Variants in GINS3 observed in about 807,000 individuals in gnomAD.
GINS3 encodes DNA replication complex GINS protein PSF3.
A neutral mutation model predicts 20.0 loss-of-function variants in GINS3; 18 were observed. The observed-to-expected ratio is 0.90, with a 90% CI of 0.62 to 1.33. The LOEUF (loss-of-function observed/expected upper bound fraction) is 1.33, where lower values mean the gene tolerates loss of function less well. Among genes scored for constraint, GINS3 ranks in the 40% most tolerant of loss-of-function variants. The pLI, the probability that GINS3 is intolerant of heterozygous loss-of-function variation, is 0.00. For missense variants in GINS3, 254 were observed against 273.6 expected (o/e 0.93, Z 0.51); for synonymous variants, 109 against 107.0 (o/e 1.02, Z -0.12).
intron 1 of GINS3, among the ~76,000 whole-genome samples, chr16:58,400,771 T>A: frequency 6.6e-6 from 1 of 152,062 alleles, no homozygotes; most frequent in East Asian, 1.9e-4. Context: ...TCCATTTCCA[T>A]TGTTTTGTGG....
chr16:58,399,513 C>G (rs1032987964), intron 1 of GINS3, among the ~76,000 whole-genome samples: 1 of 151,890 alleles, frequency 6.6e-6, no homozygotes, highest in Non-Finnish European at 1.5e-5. Flanking sequence ...TCTGTGTCTT[C>G]ATATTTAAGG....
chr16:58,396,176 G>A (rs1965854000), intron 1 of GINS3, among the ~76,000 whole-genome samples: 1 of 131,374 alleles, frequency 7.6e-6, no homozygotes, highest in African/African-American at 3.0e-5. Flanking sequence ...GCGGCTGGCC[G>A]GGCAGAGGGG....
chr16:58,396,619 T>TC (rs1433429008), intron 1 of GINS3, among the ~76,000 whole-genome samples: 15 of 788 alleles, frequency 0.019, 2 homozygotes, highest in Non-Finnish European at 0.021. Context: ...GGGGGGCTGA[T>TC]CCCCCCACCT....
chr16:58,393,406 A>C (rs1965809044), intron 1 of GINS3: 1 of 152,224 alleles, frequency 6.6e-6, no homozygotes. Context: ...ATGGCTTCAA[A>C]TATAAAATTG....
At chr16:58,403,492 T>TAC (rs371591519) in intron 2 of GINS3, 161 bp downstream of exon 2, 29,527 of 591,788 alleles carry the variant, frequency 0.05, 732 homozygotes, top group African/African-American at 0.11. Flanking sequence ...TATTTACATA[T>TAC]ATACACACAC....
chr16:58,392,784 A>G lies in GINS3; in HGVS notation c.183A>G (p.Pro61=), dbSNP rs769031100. The G allele has an allele frequency of 5.6e-6, 9 of 1,603,068 alleles. 1 individual carries two copies. In the South Asian group the frequency reaches 6.7e-5, roughly 12 times the overall value. The change falls in exon 1 of 3, where the codon CCA becomes CCG. Residue 61 remains proline (P), a synonymous_variant. Coordinates refer to ENST00000318129, the MANE Select transcript of GINS3 (RefSeq NM_022770.4). ...SAGAETDNAV[P]QGSKLELPLW... ...GCGCCGAGACTGACAACGCGGTCCC[A>G]CAGGTGAGCCTTTGGGTGCGGGGTC...
intron 1 of GINS3, chr16:58,402,813 T>C (rs919862908): frequency 8.4e-6 from 4 of 477,446 alleles, no homozygotes; most frequent in African/African-American, 1.9e-5. Context: ...GTGTCTACAA[T>C]TGGACAATTT....
intron 1 of GINS3, 179 bp from the exon 2 acceptor site, chr16:58,402,919 A>G (rs926264732): frequency 6.7e-6 from 4 of 595,480 alleles, no homozygotes; most frequent in African/African-American, 1.9e-5. Flanking sequence ...CCATCATCAC[A>G]TAAAACTTCA....
chr16:58,401,641 T>G (rs1299535522), intron 1 of GINS3, among the ~76,000 whole-genome samples: 4 of 152,238 alleles, frequency 2.6e-5, no homozygotes, highest in Admixed American at 2.6e-4. Flanking sequence ...ATCCTTTAGC[T>G]AGACAGAAAA....
Position 58,403,295 on chromosome 16 carries a change from TC to T in GINS3, c.387del (p.Glu130ArgfsTer36), listed in dbSNP as rs1477893172. ...GCTCCCAGCTCCTGCATTTTGACAG[TC>T]CCGAGAATGCAGACATTTCCCAGTC... ...FGSQLLHFDS[P>X]ENADISQSLL... On this transcript the variant is annotated frameshift_variant, in exon 2 of 3. Coordinates refer to ENST00000318129, the MANE Select transcript of GINS3 (RefSeq NM_022770.4). LOFTEE classifies it high-confidence loss of function. The T allele has an allele frequency of 6.2e-7, 1 of 1,614,012 alleles. No homozygotes were observed. Among genetic ancestry groups the T allele is most frequent in the African/African-American group, 1.3e-5 (1 of 74,916 alleles).
intron 1 of GINS3, among the ~76,000 whole-genome samples, chr16:58,401,775 G>A (rs951111911): frequency 3.3e-5 from 5 of 152,316 alleles, no homozygotes; most frequent in Non-Finnish European, 7.3e-5. Context: ...TTCTTTAAAG[G>A]CAGTGTGTTC....
intron 1 of GINS3, among the ~76,000 whole-genome samples, chr16:58,393,094 T>G (rs1268981506): frequency 6.6e-6 from 1 of 152,150 alleles, no homozygotes; most frequent in African/African-American, 2.4e-5. Flanking sequence ...CCATGCAACG[T>G]GTGTTGAATG....
At chr16:58,404,400 C>G in intron 2 of GINS3, 99 bp from the exon 3 acceptor site, 1 of 798,982 alleles carries the variant, frequency 1.3e-6, no homozygotes, top group Non-Finnish European at 2.1e-6. Flanking sequence ...ACACATCATT[C>G]TTTCTTTTCA....
chr16:58,401,330 G>C lies in GINS3; in HGVS notation c.187-1768G>C, dbSNP rs748631862. ...GTGTTACAGCTCATGAAGGTAGTGG[G>C]GATCCAAAGAGTGAGCAGCCATCAA... On this transcript the variant is annotated intron_variant, in intron 1 of 2. Transcript: ENST00000318129. Among the ~76,000 whole-genome samples, 9 of 152,078 alleles carry C rather than the reference G, an allele frequency of 5.9e-5. No individual in the cohort carries two copies. The East Asian group carries it at 1.7e-3, about 29-fold the overall frequency.
chr16:58,396,707 C>T (rs867789262), intron 1 of GINS3, among the ~76,000 whole-genome samples: 44 of 122,552 alleles, frequency 3.6e-4, no homozygotes, highest in African/African-American at 1.0e-4. Context: ...GCTGGCCGGG[C>T]GGGGGGCTGA....
chr16:58,393,554 T>C (rs1406834379), intron 1 of GINS3: 1 of 152,224 alleles, frequency 6.6e-6, no homozygotes, highest in African/African-American at 2.4e-5. Flanking sequence ...GTTTTAAAAG[T>C]CAAATAGGCC....
chr16:58,400,580 A>C (rs911793729), intron 1 of GINS3, among the ~76,000 whole-genome samples: 1 of 152,244 alleles, frequency 6.6e-6, no homozygotes, highest in African/African-American at 2.4e-5. Flanking sequence ...CCAAATGCCA[A>C]CCAAGGGCCA....
intron 1 of GINS3, among the ~76,000 whole-genome samples, chr16:58,396,888 G>T (rs1441376536): frequency 6.8e-6 from 1 of 147,640 alleles, no homozygotes; most frequent in Non-Finnish European, 1.5e-5. Context: ...CCGGGCGGGG[G>T]GCTGACCCCC....
Position 58,392,485 on chromosome 16 carries a change from C to T in GINS3, c.-117C>T, listed in dbSNP as rs1965790009. 2.5e-6 allele frequency: 3 copies of T among 1,183,220 alleles called. No individual in the cohort carries two copies. Among genetic ancestry groups the T allele is most frequent in the Admixed American group, 2.3e-5 (1 of 43,736 alleles). 73.3% of individuals were successfully genotyped at this position (1,183,220 alleles called of 1,614,324 possible). On this transcript the variant is annotated 5_prime_UTR_variant, in exon 1 of 3. Transcript: ENST00000318129. ...CCGGGCGCGGGAAACGAGTTTCAAT[C>T]CACTTTCCTGACCCCAACCATCCTG...
Sources: allele counts gnomAD v4.1 joint callset (sites outside exome capture counted in the v4.1 genomes callset), GRCh38; gene constraint gnomAD v4.1.1; transcripts MANE v1.5; gene names NCBI Gene and HGNC (gene_info 2026-07-23, HGNC 2026-07-21).